Variants in INTS7 observed in about 807,000 individuals in gnomAD.
The protein encoded by INTS7 is integrator complex subunit 7.
In INTS7, 46 loss-of-function variants were observed where a neutral mutation model predicts 109.2. The ratio of observed to expected loss-of-function variants is 0.42; its 90% CI spans 0.33 to 0.54. The LOEUF (loss-of-function observed/expected upper bound fraction) is 0.54, where lower values mean the gene tolerates loss of function less well. INTS7 is among the 20% of genes least tolerant of loss of function. The pLI is 0.07. For synonymous variants in INTS7, 412 were observed against 402.9 expected, an observed-to-expected ratio of 1.02 and a Z score of -0.27; for missense variants, 929 against 1,132.4, an observed-to-expected ratio of 0.82 and a Z score of 2.58.
At position 211,941,577 on chromosome 1, in the gene INTS7, T is replaced by C; in HGVS notation, c.*247A>G. 2.0e-6 allele frequency: 1 copy of C among 506,132 alleles called. No individual in the cohort carries two copies. The highest frequency in any genetic ancestry group is 3.5e-6 in the Non-Finnish European group (1 of 284,792). The allele number at this position is 506,132 out of a possible 1,614,324, so 31.4% of individuals were successfully genotyped here. A position where few individuals can be genotyped will look rare whatever the true frequency, so the allele number is the denominator to read the frequency against. On this transcript the variant is annotated 3_prime_UTR_variant, in exon 20 of 20. Coordinates refer to ENST00000366994, the MANE Select transcript of INTS7 (RefSeq NM_015434.4). ...GGTTTCACTGTGTTAGCCAGGATGG[T>C]CTTGATCTCCTCGTGAGCCGCCCAC...
chr1:212,030,640 T>C (rs532520459), intron 1 of INTS7: 2 of 152,326 alleles, frequency 1.3e-5, no homozygotes, highest in Admixed American at 1.3e-4. Flanking sequence ...AGACTAAGTG[T>C]GGTCTGGCAG....
intron 17 of INTS7, among the ~76,000 whole-genome samples, chr1:211,948,401 C>G (rs1379301695): frequency 1.3e-5 from 2 of 152,218 alleles, no homozygotes; most frequent in Non-Finnish European, 2.9e-5. Context: ...GCAGAGACAT[C>G]CACCTTTGGT....
Position 211,974,274 on chromosome 1 carries a change from AAAATATATATATAT to A in INTS7, c.1815+878_1815+891del, listed in dbSNP as rs1476967541. Among the ~76,000 whole-genome samples the A allele has an allele frequency of 3.8e-4, 30 of 79,560 alleles. 1 individual carries two copies. Among genetic ancestry groups the A allele is most frequent in the African/African-American group, 1.5e-3 (29 of 19,168 alleles). 52.2% of individuals were successfully genotyped at this position (79,560 alleles called of 152,430 possible). A position where few individuals can be genotyped will look rare whatever the true frequency, so the allele number is the denominator to read the frequency against. On this transcript the variant is annotated intron_variant, in intron 13 of 19. Coordinates refer to ENST00000366994, the MANE Select transcript of INTS7 (RefSeq NM_015434.4). ...AACAACAATCTCTTCCCAGAAAAAA[AAAATATATATATAT>A]ATATATATATATATATATATAAAAT...
At chr1:212,010,592 C>T (rs1339849214) in intron 5 of INTS7, among the ~76,000 whole-genome samples, 1 of 152,128 alleles carries the variant, frequency 6.6e-6, no homozygotes, top group Non-Finnish European at 1.5e-5. Flanking sequence ...ACATGACAGA[C>T]GGTGGTCCCA....
At chr1:211,967,845 A>G in intron 15 of INTS7, 33 bp downstream of exon 15, 4 of 1,168,272 alleles carry the variant, frequency 3.4e-6, no homozygotes, top group Non-Finnish European at 5.1e-6. Flanking sequence ...ACTTCCAAAA[A>G]GAACAAGAAG....
At position 212,020,724 on chromosome 1, in the gene INTS7, T is replaced by C. The variant is rs751939018; in HGVS notation, c.224+359A>G. On this transcript the variant is annotated intron_variant, in intron 2 of 19. Transcript: ENST00000366994. ...TAGGCATGTATTCAGTGCTTACATG[T>C]TTCAGGTACTTCACAGACATGCATC... The C allele has an allele frequency of 1.5e-4, 148 of 1,015,602 alleles. No individual in the cohort carries two copies. The Middle Eastern group carries it at 3.4e-3, about 23-fold the overall frequency. The allele number at this position is 1,015,602 out of a possible 1,614,324, so 62.9% of individuals were successfully genotyped here.
chr1:211,984,929 T>C (rs939293011), intron 8 of INTS7, among the ~76,000 whole-genome samples: 1 of 152,200 alleles, frequency 6.6e-6, no homozygotes, highest in African/African-American at 2.4e-5. Flanking sequence ...TTGAGTCCTC[T>C]ATTGATGATC....
intron 7 of INTS7, among the ~76,000 whole-genome samples, chr1:211,990,779 C>T (rs1665110807): frequency 6.6e-6 from 1 of 151,894 alleles, no homozygotes; most frequent in Non-Finnish European, 1.5e-5. Context: ...AGGATAGAGG[C>T]TAAGTAAGAT....
rs1464149574 is a variant in INTS7 at position 211,959,628 on chromosome 1, C to T, written c.2183+6802G>A. Among the ~76,000 whole-genome samples, 2 of 152,136 alleles carry T rather than the reference C, an allele frequency of 1.3e-5. No homozygotes were observed. The highest frequency in any genetic ancestry group is 3.9e-4 in the East Asian group (2 of 5,192). ...CCTTGCCCTGCCACTGCTGCTGGTG[C>T]ATTCTGCCCCCATTACCCCCGCATT... is the stretch of plus-strand genomic sequence containing the variant. On this transcript the variant is annotated intron_variant, in intron 16 of 19. Transcript: ENST00000366994. The surrounding 1 kb of genome is among the most constrained non-coding windows in gnomAD (Gnocchi z 4.2).
At position 212,020,237 on chromosome 1, in the gene INTS7, C is replaced by T. The variant is rs1388946042; in HGVS notation, c.256G>A (p.Val86Ile). The change falls in exon 3 of 20, where the codon GTT (valine) becomes ATT (isoleucine). Residue 86 changes from valine to isoleucine, a missense_variant. Val to Ile is a conservative substitution (Grantham distance 29). This residue lies in a region of INTS7 where 142 missense variants were observed against 231.4 expected (regional missense o/e 0.61). Coordinates refer to ENST00000366994, the MANE Select transcript of INTS7 (RefSeq NM_015434.4). ...AAATGTTTCTCACTTTGTTGGGTAA[C>T]TTTAAGAACACATAGCCTCAGGAAA... ...NNFLRLCVLK[V>I]TQQSEKHLEK... 1 of 1,601,672 alleles carries T rather than the reference C, an allele frequency of 6.2e-7. No individual in the cohort carries two copies. The highest frequency in any genetic ancestry group is 8.5e-7 in the Non-Finnish European group (1 of 1,171,180).
chr1:212,000,600 C>T lies in INTS7; in HGVS notation c.879+6039G>A, dbSNP rs1665623119. Among the ~76,000 whole-genome samples the T allele has an allele frequency of 2.0e-5, 3 of 152,202 alleles. 1 individual carries two copies. The South Asian group carries it at 6.2e-4, about 32-fold the overall frequency. On this transcript the variant is annotated intron_variant, in intron 7 of 19. Coordinates refer to ENST00000366994, the MANE Select transcript of INTS7 (RefSeq NM_015434.4). ...AGCATTTATTTGTATGTGCCAGACA[C>T]CACATTATATATTGCTTTACTCAAA...
intron 4 of INTS7, among the ~76,000 whole-genome samples, chr1:212,012,265 T>TG (rs948280520): frequency 3.1e-4 from 47 of 149,600 alleles, no homozygotes; most frequent in African/African-American, 6.4e-4. Context: ...GGTAGGAGAT[T>TG]GGGGGGGGAG....
chr1:211,949,771 G>A (rs1332867494), intron 17 of INTS7, among the ~76,000 whole-genome samples: 1 of 152,158 alleles, frequency 6.6e-6, no homozygotes, highest in African/African-American at 2.4e-5. Flanking sequence ...CTTATACTGT[G>A]TTCAAAGCCT....
chr1:211,951,339 C>T (rs188165321), intron 17 of INTS7, among the ~76,000 whole-genome samples: 49 of 152,126 alleles, frequency 3.2e-4, no homozygotes, highest in Non-Finnish European at 6.2e-4. Flanking sequence ...ACAGAGTCCT[C>T]GCTCTGTTGC....
chr1:211,952,443 CCT>C, intron 17 of INTS7, 124 bp downstream of exon 17: 1 of 915,802 alleles, frequency 1.1e-6, no homozygotes, highest in Non-Finnish European at 1.7e-6. Context: ...AGGTATTAAC[CCT>C]GTTTTATGGA....
intron 7 of INTS7, among the ~76,000 whole-genome samples, chr1:211,992,926 CACTA>C (rs925206747): frequency 5.9e-5 from 9 of 152,192 alleles, no homozygotes; most frequent in Admixed American, 4.6e-4. Flanking sequence ...CTGCCTTCTT[CACTA>C]ACTATTTGGT....
Position 211,981,165 on chromosome 1 carries a change from A to C in INTS7, c.1158T>G (p.Ala386=), listed in dbSNP as rs139734749. The part of the protein sequence containing the change: ...EKDLLALEQD[A]VFGLESLLVL... The stretch of plus-strand genomic sequence containing the variant: ...CCAGTAGGGATTCCAGGCCAAAGAC[A>C]GCATCTTGTTCCAGTGCCAAAAGAT... The change falls in exon 10 of 20, where the codon GCT becomes GCG. Residue 386 remains alanine, a synonymous_variant. Coordinates refer to ENST00000366994, the MANE Select transcript of INTS7 (RefSeq NM_015434.4). The C allele has an allele frequency of 6.2e-7, 1 of 1,613,148 alleles. No homozygotes were observed. Among genetic ancestry groups the C allele is most frequent in the Non-Finnish European group, 8.5e-7 (1 of 1,179,312 alleles).
At position 211,941,985 on chromosome 1, in the gene INTS7, C is replaced by T; in HGVS notation, c.2728G>A (p.Val910Met). Residue 910 changes from valine to methionine, a missense_variant, in exon 20 of 20, where the codon GTG (valine) becomes ATG (methionine). Val to Met is a conservative substitution (Grantham distance 21, BLOSUM62 1). Coordinates refer to ENST00000366994, the MANE Select transcript of INTS7 (RefSeq NM_015434.4). ...GTHNITVESSVKDANGIVWKT... is the reference protein window; with the variant it reads ...GTHNITVESSMKDANGIVWKT... ...CATACTATACCATTGGCATCTTTCA[C>T]AGAAGATTCCACTGTAATGTTGTGT... is the stretch of plus-strand genomic sequence containing the variant. 1 of 1,614,176 alleles carries T rather than the reference C, an allele frequency of 6.2e-7. No homozygotes were observed.
chr1:211,987,759 A>C, intron 8 of INTS7, 127 bp downstream of exon 8: 5 of 469,790 alleles, frequency 1.1e-5, no homozygotes, highest in South Asian at 4.6e-5. Flanking sequence ...ATAAATCACT[A>C]GCATGCAATG....
Sources: gnomAD v4.1 joint callset for allele counts (sites outside exome capture counted in the v4.1 genomes callset) on GRCh38, gnomAD v4.1.1 for gene constraint, gnomAD v4.1.1 regional missense constraint, Gnocchi (gnomAD v3.1) non-coding constraint, MANE v1.5 for transcripts, NCBI Gene and HGNC (gene_info 2026-07-23, HGNC 2026-07-21) for gene names.